The following ITSN1 variants were observed in gnomAD, a reference collection of about 807,000 sequenced individuals.
ITSN1 encodes intersectin-1.
ITSN1 carries 58 observed loss-of-function variants against 239.8 expected under a neutral mutation model. That is an observed-to-expected ratio of 0.24 (90% CI 0.20 to 0.30). The LOEUF is 0.30. ITSN1 is among the 10% of genes least tolerant of loss of function. The pLI is 1.00. For missense variants in ITSN1, 1,558 were observed against 2,103.3 expected (o/e 0.74, Z 5.07); for synonymous variants, 780 against 770.8 (o/e 1.01, Z -0.20).
rs1602757987 is a variant in ITSN1, at chr21:33,897,981, G to T, written c.*9681G>T. On this transcript the variant is annotated 3_prime_UTR_variant, in exon 40 of 40. Transcript: ENST00000381318. ...GGCGTGATCAAATGAAAAGTATCCT[G>T]TAGCTATGACCTCGCATGGGACCTT... 6.6e-6 allele frequency: 1 copy of T among 152,064 alleles called. No homozygotes were observed. Among genetic ancestry groups the T allele is most frequent in the Non-Finnish European group, 1.5e-5 (1 of 68,008 alleles). 9.4% of individuals were successfully genotyped at this position (152,064 alleles called of 1,614,324 possible). A position where few individuals can be genotyped will look rare whatever the true frequency, so the allele number is the denominator to read the frequency against.
intron 1 of ITSN1, among the ~76,000 whole-genome samples, chr21:33,648,287 A>G (rs985473568): frequency 1.3e-5 from 2 of 152,230 alleles, no homozygotes; most frequent in African/African-American, 4.8e-5. Context: ...TCACTTCACA[A>G]AAAACTCTCA....
chr21:33,864,466 A>G (rs774870581), intron 31 of ITSN1, among the ~76,000 whole-genome samples: 7 of 152,214 alleles, frequency 4.6e-5, no homozygotes, highest in Non-Finnish European at 1.0e-4. Context: ...CTCACACTGC[A>G]GGCAGACCCC....
At position 33,772,205 on chromosome 21, in the gene ITSN1, G is replaced by T. The variant is rs779207769; in HGVS notation, c.1187G>T (p.Arg396Leu). 1.2e-6 allele frequency: 2 copies of T among 1,613,602 alleles called. No individual in the cohort carries two copies. The highest frequency in any genetic ancestry group is 1.7e-6 in the Non-Finnish European group (2 of 1,179,726). Residue 396 changes from arginine to leucine, a missense_variant, in exon 12 of 40, where the codon CGT becomes CTT. This residue lies in a region of ITSN1 where 982 missense variants were observed against 1,209.9 expected (regional missense o/e 0.81). Transcript: ENST00000381318. ...CGGGCGGAGCAGGAGAGGAAGGAGC[G>T]TGAGCGCCAGGAGCAAGAGCGCAAA... ...LERAEQERKE[R>L]ERQEQERKRQ...
intron 34 of ITSN1, among the ~76,000 whole-genome samples, chr21:33,880,183 C>T (rs190794611): frequency 6.6e-6 from 1 of 152,346 alleles, no homozygotes; most frequent in African/African-American, 2.4e-5. Context: ...TCTGGACACA[C>T]ACCAGTGATT....
At chr21:33,875,024 G>A (rs984859957) in intron 33 of ITSN1, among the ~76,000 whole-genome samples, 1 of 152,250 alleles carries the variant, frequency 6.6e-6, no homozygotes, top group African/African-American at 2.4e-5. Flanking sequence ...GAGTCTGCAT[G>A]TGTGGCTTGG....
At chr21:33,817,559 T>C in intron 22 of ITSN1, 1 of 1,303,794 alleles carries the variant, frequency 7.7e-7, no homozygotes, top group Middle Eastern at 2.1e-4. Context: ...TGTTTTTATC[T>C]CTGTCTTCCC....
intron 29 of ITSN1, among the ~76,000 whole-genome samples, chr21:33,842,983 C>T (rs918164320): frequency 7.2e-5 from 11 of 152,112 alleles, no homozygotes; most frequent in African/African-American, 2.2e-4. Context: ...TGATCCACTG[C>T]GTTGCTTCCC....
chr21:33,661,784 T>G (rs2089577354), intron 1 of ITSN1, among the ~76,000 whole-genome samples: 1 of 152,166 alleles, frequency 6.6e-6, no homozygotes, highest in Non-Finnish European at 1.5e-5. Context: ...GGGTTTCCCC[T>G]TTCATTTGGC....
intron 29 of ITSN1, among the ~76,000 whole-genome samples, chr21:33,840,664 C>CT (rs1776651581): frequency 6.6e-6 from 1 of 151,886 alleles, no homozygotes; most frequent in South Asian, 2.1e-4. Flanking sequence ...GCCTGGCTTA[C>CT]TTTTTGTATT....
rs764706877 is a variant in ITSN1 at position 33,794,306 on chromosome 21, T to G, written c.1825-35T>G. ...AAATAGTTGATGTACCTGTCACTCA[T>G]GTCGCTACATGAACTGTTTCTCGGT... On this transcript the variant is annotated intron_variant, in intron 16 of 39. Coordinates refer to ENST00000381318, the MANE Select transcript of ITSN1 (RefSeq NM_003024.3). The G allele has an allele frequency of 2.7e-6, 4 of 1,488,922 alleles. No individual in the cohort carries two copies. The Admixed American group carries it at 6.9e-5, about 26-fold the overall frequency. 92.2% of individuals were successfully genotyped at this position (1,488,922 alleles called of 1,614,324 possible).
intron 1 of ITSN1, among the ~76,000 whole-genome samples, chr21:33,671,779 G>A (rs2090301144): frequency 1.3e-5 from 2 of 151,836 alleles, no homozygotes; most frequent in Admixed American, 6.6e-5. Flanking sequence ...GCGACAAAGC[G>A]AGACTCCGTC....
chr21:33,731,967 A>G (rs1214286874), intron 4 of ITSN1, among the ~76,000 whole-genome samples: 2 of 152,248 alleles, frequency 1.3e-5, no homozygotes, highest in Non-Finnish European at 2.9e-5. Context: ...TTAGGGAGAC[A>G]TAAGACATCA....
At chr21:33,849,733 T>C (rs1368656595) in intron 29 of ITSN1, among the ~76,000 whole-genome samples, 1 of 152,216 alleles carries the variant, frequency 6.6e-6, no homozygotes, top group Non-Finnish European at 1.5e-5. Context: ...ATGTGATTAT[T>C]ACACATTGCA....
At chr21:33,707,095 G>A (rs1568987861) in intron 1 of ITSN1, among the ~76,000 whole-genome samples, 1 of 152,096 alleles carries the variant, frequency 6.6e-6, no homozygotes, top group Non-Finnish European at 1.5e-5. Context: ...GGCATATCAA[G>A]AATTGCTATG....
intron 38 of ITSN1, among the ~76,000 whole-genome samples, chr21:33,886,052 T>A (rs573231465): frequency 6.6e-6 from 1 of 151,774 alleles, no homozygotes; most frequent in South Asian, 2.1e-4. Flanking sequence ...ACTAAAAATA[T>A]AAAAAATTAG....
chr21:33,886,231 G>GTT, intron 38 of ITSN1, 56 bp from the exon 39 acceptor site: 1 of 1,205,862 alleles, frequency 8.3e-7, no homozygotes, highest in Non-Finnish European at 1.2e-6. Context: ...AAAAAAAAGA[G>GTT]TGGAGATCAA....
At chr21:33,755,211 A>C (rs2067825166) in intron 7 of ITSN1, 86 bp from the exon 8 acceptor site, 1 of 583,422 alleles carries the variant, frequency 1.7e-6, no homozygotes, top group Non-Finnish European at 3.0e-6. Flanking sequence ...TATCTAGAGA[A>C]GTTCTTAGTT....
At chr21:33,726,868 C>G (rs921024647) in intron 4 of ITSN1, among the ~76,000 whole-genome samples, 2 of 152,228 alleles carry the variant, frequency 1.3e-5, no homozygotes, top group South Asian at 2.1e-4. Context: ...TCTAGTTTCT[C>G]TCTCTGAGCT....
In ITSN1 at chr21:33,898,189, C is replaced by T. The variant is rs1986892093; in HGVS notation, c.*9889C>T. ...CAGCTATCCCACTAGAGAGGCCACT[C>T]TCTGACTTCCAGGTCGCCCTTTCTA... On this transcript the variant is annotated 3_prime_UTR_variant, in exon 40 of 40. Transcript: ENST00000381318. The T allele has an allele frequency of 6.6e-6, 1 of 152,248 alleles. No individual in the cohort carries two copies. Among genetic ancestry groups the T allele is most frequent in the Non-Finnish European group, 1.5e-5 (1 of 68,052 alleles). The allele number at this position is 152,248 out of a possible 1,614,324, so 9.4% of individuals were successfully genotyped here.
Sources: gnomAD v4.1 joint callset for allele counts (sites outside exome capture counted in the v4.1 genomes callset) on GRCh38, gnomAD v4.1.1 for gene constraint, gnomAD v4.1.1 regional missense constraint, MANE v1.5 for transcripts, NCBI Gene and HGNC (gene_info 2026-07-23, HGNC 2026-07-21) for gene names.